RAI14: variants seen among roughly 807,000 people sequenced by gnomAD.
The protein encoded by RAI14 is ankycorbin.
A neutral mutation model predicts 115.4 loss-of-function variants in RAI14; 45 were observed. The ratio of observed to expected loss-of-function variants is 0.39; its 90% CI spans 0.31 to 0.50. The LOEUF (loss-of-function observed/expected upper bound fraction) is 0.50, where lower values mean the gene tolerates loss of function less well. Among genes scored for constraint, RAI14 ranks in the 20% least tolerant of loss-of-function variants. RAI14 has a pLI of 0.85. For missense variants in RAI14, 939 were observed against 1,131.2 expected, an observed-to-expected ratio of 0.83 and a Z score of 2.44; for synonymous variants, 371 against 415.4, an observed-to-expected ratio of 0.89 and a Z score of 1.30.
chr5:34,793,212 A>G (rs146543025), intron 3 of RAI14, among the ~76,000 whole-genome samples: 1 of 152,310 alleles, frequency 6.6e-6, no homozygotes, highest in African/African-American at 2.4e-5. Flanking sequence ...TCTGCCTTGT[A>G]TTGATCGTGG....
chr5:34,812,910 A>C (rs955880205), intron 10 of RAI14, among the ~76,000 whole-genome samples: 2 of 152,202 alleles, frequency 1.3e-5, no homozygotes, highest in Non-Finnish European at 1.5e-5. Flanking sequence ...AAAATAAGAG[A>C]ATTTAGCCTT....
At chr5:34,801,903 C>T (rs1057131396) in intron 4 of RAI14, among the ~76,000 whole-genome samples, 1 of 151,916 alleles carries the variant, frequency 6.6e-6, no homozygotes, top group Admixed American at 6.6e-5. Context: ...AGACCCCCAG[C>T]TCTACCAAAA....
intron 2 of RAI14, among the ~76,000 whole-genome samples, chr5:34,697,124 C>T (rs1739346815): frequency 6.8e-6 from 1 of 147,876 alleles, no homozygotes; most frequent in Non-Finnish European, 1.5e-5. Context: ...GAGTAAGACT[C>T]CATCTCAAAA....
At chr5:34,814,386 T>C (rs548380738) in intron 11 of RAI14, among the ~76,000 whole-genome samples, 197 bp from the exon 12 acceptor site, 1 of 152,360 alleles carries the variant, frequency 6.6e-6, no homozygotes, top group East Asian at 1.9e-4. Context: ...AGCACAGTTA[T>C]ATTCTGTAAA....
chr5:34,669,134 C>T (rs999486064), intron 1 of RAI14, among the ~76,000 whole-genome samples: 4 of 152,218 alleles, frequency 2.6e-5, no homozygotes, highest in African/African-American at 9.6e-5. Context: ...GGATTACAGG[C>T]GTGAGCCACC....
chr5:34,828,872 T>C (rs1757720911), intron 16 of RAI14, among the ~76,000 whole-genome samples: 1 of 152,166 alleles, frequency 6.6e-6, no homozygotes, highest in African/African-American at 2.4e-5. Context: ...CCAAGGATTA[T>C]ACAATGCTGG....
intron 3 of RAI14, among the ~76,000 whole-genome samples, chr5:34,775,510 A>T (rs138494195): frequency 5.9e-5 from 9 of 152,294 alleles, no homozygotes; most frequent in African/African-American, 2.2e-4. Context: ...AGGTGAGAGG[A>T]TTGCTTTAGC....
intron 3 of RAI14, among the ~76,000 whole-genome samples, chr5:34,772,272 C>G (rs755610963): frequency 5.9e-5 from 9 of 152,162 alleles, no homozygotes; most frequent in Non-Finnish European, 1.3e-4. Flanking sequence ...AGAACCAGCT[C>G]TAATTGCAGA....
intron 2 of RAI14, among the ~76,000 whole-genome samples, chr5:34,699,038 G>A (rs958643227): frequency 2.0e-5 from 3 of 152,186 alleles, no homozygotes; most frequent in African/African-American, 7.2e-5. Context: ...CTCATCTCCT[G>A]AGAAATCTGG....
chr5:34,749,277 T>C (rs928500651), intron 2 of RAI14, among the ~76,000 whole-genome samples: 13 of 152,222 alleles, frequency 8.5e-5, no homozygotes, highest in Admixed American at 2.6e-4. Context: ...AGCATTCTAA[T>C]TGGTGATGGT....
At chr5:34,802,529 A>C (rs946088951) in intron 4 of RAI14, among the ~76,000 whole-genome samples, 1 of 152,160 alleles carries the variant, frequency 6.6e-6, no homozygotes, top group South Asian at 2.1e-4. Flanking sequence ...CCCCCCATCC[A>C]GACATTTGAA....
At chr5:34,780,891 A>T (rs1751527872) in intron 3 of RAI14, among the ~76,000 whole-genome samples, 1 of 152,166 alleles carries the variant, frequency 6.6e-6, no homozygotes, top group Non-Finnish European at 1.5e-5. Context: ...AAGGAATATA[A>T]ATTATGCTGC....
In RAI14 at chr5:34,824,495, G is replaced by T; in HGVS notation, c.2649+4G>T. 1.3e-6 allele frequency: 2 copies of T among 1,558,306 alleles called. No homozygotes were observed. Among genetic ancestry groups the T allele is most frequent in the South Asian group, 1.2e-5 (1 of 80,576 alleles). On this transcript the variant is annotated splice_donor_region_variant and intron_variant, in intron 15 of 17. Coordinates refer to ENST00000265109, the MANE Select transcript of RAI14 (RefSeq NM_015577.3). ...GGAGGAAGATAAAGATAAAAAGGTT[G>T]GTGAAACTGTATTGCTGTTGGGTTT...
intron 16 of RAI14, 125 bp downstream of exon 16, chr5:34,826,604 T>A (rs1466282161): frequency 5.5e-6 from 7 of 1,268,018 alleles, no homozygotes; most frequent in Non-Finnish European, 7.4e-6. Context: ...TGTACTTCAA[T>A]GAGCAGTTGA....
chr5:34,679,719 G>A (rs901678876), intron 1 of RAI14, among the ~76,000 whole-genome samples: 11 of 152,156 alleles, frequency 7.2e-5, no homozygotes, highest in African/African-American at 2.7e-4. Context: ...GAAGGAAGGG[G>A]GCAGGTGGGA....
intron 3 of RAI14, among the ~76,000 whole-genome samples, chr5:34,772,462 G>A (rs1750288427): frequency 6.6e-6 from 1 of 152,192 alleles, no homozygotes; most frequent in Admixed American, 6.5e-5. Flanking sequence ...TTAAATGGGA[G>A]TAATAAAGTT....
chr5:34,739,319 G>A (rs1214044368), intron 2 of RAI14, among the ~76,000 whole-genome samples: 1 of 152,142 alleles, frequency 6.6e-6, no homozygotes, highest in East Asian at 1.9e-4. Context: ...ATAATAAGTG[G>A]TAGAGCGAGG....
In RAI14 at chr5:34,811,111, A is replaced by T; in HGVS notation, c.550A>T (p.Ser184Cys). 1.9e-6 allele frequency: 3 copies of T among 1,614,046 alleles called. No individual in the cohort carries two copies. Among genetic ancestry groups the T allele is most frequent in the Non-Finnish European group, 2.5e-6 (3 of 1,180,012 alleles). ...HGADVNSRNKSGRTALMLACE... is the reference protein window; with the variant it reads ...HGADVNSRNKCGRTALMLACE... The stretch of plus-strand genomic sequence containing the variant: ...AGCAGATGTCAATTCCAGGAACAAA[A>T]GTGGAAGGTACTCCAGAATTAGGCA... The change falls in exon 8 of 18, where the codon AGT (serine) becomes TGT (cysteine). Residue 184 changes from serine (S) to cysteine (C), a missense_variant. Ser to Cys is a moderately radical substitution (Grantham distance 112). Transcript: ENST00000265109.
intron 2 of RAI14, among the ~76,000 whole-genome samples, chr5:34,709,268 C>T (rs376681868): frequency 1.2e-4 from 18 of 151,910 alleles, no homozygotes; most frequent in African/African-American, 4.1e-4. Context: ...GCCAACTTGG[C>T]GAAACCCCGT....
Sources: allele counts gnomAD v4.1 joint callset (sites outside exome capture counted in the v4.1 genomes callset), GRCh38; gene constraint gnomAD v4.1.1; transcripts MANE v1.5; gene names NCBI Gene and HGNC (gene_info 2026-07-23, HGNC 2026-07-21).